Variants in PDE10A observed in about 807,000 individuals in gnomAD.
PDE10A encodes cAMP and cAMP-inhibited cGMP 3',5'-cyclic phosphodiesterase 10A.
In PDE10A, 39 loss-of-function variants were observed where a neutral mutation model predicts 97.7. The observed-to-expected ratio is 0.40, with a 90% CI of 0.31 to 0.52. PDE10A has a LOEUF of 0.52. Among genes scored for constraint, PDE10A ranks in the 20% least tolerant of loss-of-function variants. The pLI is 0.56. For missense variants in PDE10A, 731 were observed against 1,047.8 expected (o/e 0.70, Z 4.17); for synonymous variants, 371 against 376.8 (o/e 0.98, Z 0.18).
intron 1 of PDE10A, among the ~76,000 whole-genome samples, chr6:165,885,073 G>C (rs1781591525): frequency 6.6e-6 from 1 of 152,040 alleles, no homozygotes; most frequent in East Asian, 1.9e-4. Flanking sequence ...TAAGGAAGCC[G>C]GCCCACCCAG....
At chr6:165,449,661 G>A (rs1224814595) in intron 4 of PDE10A, among the ~76,000 whole-genome samples, 1 of 152,158 alleles carries the variant, frequency 6.6e-6, no homozygotes, top group Non-Finnish European at 1.5e-5. Context: ...TGCATAGACA[G>A]GTGCCTAGCA....
intron 3 of PDE10A, among the ~76,000 whole-genome samples, chr6:165,456,972 T>C (rs149420353): frequency 6.6e-6 from 1 of 152,346 alleles, no homozygotes; most frequent in East Asian, 1.9e-4. Context: ...GCAAATGTAC[T>C]ACAAGAATAA....
chr6:165,340,912 C>T (rs149993447), intron 19 of PDE10A, among the ~76,000 whole-genome samples: 5 of 152,256 alleles, frequency 3.3e-5, no homozygotes, highest in Admixed American at 6.5e-5. Context: ...GGATGGAATC[C>T]GAATTATTAT....
chr6:165,799,552 C>G (rs941580418), intron 1 of PDE10A, among the ~76,000 whole-genome samples: 1 of 152,076 alleles, frequency 6.6e-6, no homozygotes, highest in South Asian at 2.1e-4. Flanking sequence ...GTATCTCGGG[C>G]CATAAGGCAC....
chr6:165,957,349 C>T (rs565495141), intron 1 of PDE10A, among the ~76,000 whole-genome samples: 3 of 152,146 alleles, frequency 2.0e-5, no homozygotes, highest in African/African-American at 7.2e-5. Flanking sequence ...GACTTGGTGG[C>T]ACATGTCTGT....
intron 18 of PDE10A, among the ~76,000 whole-genome samples, chr6:165,354,582 T>C (rs1305209696): frequency 6.6e-6 from 1 of 152,204 alleles, no homozygotes; most frequent in Non-Finnish European, 1.5e-5. Flanking sequence ...TTGAGTTATT[T>C]CTACAACTGA....
chr6:165,858,361 G>C (rs1376764092), intron 1 of PDE10A, among the ~76,000 whole-genome samples: 1 of 152,208 alleles, frequency 6.6e-6, no homozygotes, highest in East Asian at 1.9e-4. Context: ...GGGAGGCACT[G>C]GGAACTGAGA....
chr6:165,691,089 C>T (rs187326455), intron 1 of PDE10A, among the ~76,000 whole-genome samples: 509 of 49,606 alleles, frequency 0.01, 14 homozygotes, highest in African/African-American at 0.029. Flanking sequence ...CTCTCTCTCT[C>T]TCTCTCTCTT....
At chr6:165,868,571 C>G (rs1781117255) in intron 1 of PDE10A, among the ~76,000 whole-genome samples, 1 of 151,810 alleles carries the variant, frequency 6.6e-6, no homozygotes, top group African/African-American at 2.4e-5. Flanking sequence ...CTGCTGAATT[C>G]TATGAAACTT....
intron 2 of PDE10A, among the ~76,000 whole-genome samples, chr6:165,504,093 G>A (rs1781054750): frequency 1.3e-5 from 2 of 152,124 alleles, no homozygotes; most frequent in African/African-American, 4.8e-5. Context: ...TTATGGCTCT[G>A]TGAAAATCCA....
At chr6:165,439,753 G>A (rs1790294449) in intron 5 of PDE10A, among the ~76,000 whole-genome samples, 1 of 152,120 alleles carries the variant, frequency 6.6e-6, no homozygotes, top group Non-Finnish European at 1.5e-5. Context: ...TCAATAGGTT[G>A]GTTCAGTAAA....
intron 3 of PDE10A, among the ~76,000 whole-genome samples, chr6:165,458,427 C>A (rs2128255540): frequency 6.6e-6 from 1 of 152,194 alleles, no homozygotes; most frequent in African/African-American, 2.4e-5. Context: ...AAGACAGCTG[C>A]CTTTTATCAG....
At chr6:165,944,192 C>A (rs186128574) in intron 1 of PDE10A, among the ~76,000 whole-genome samples, 1 of 152,174 alleles carries the variant, frequency 6.6e-6, no homozygotes, top group Admixed American at 6.5e-5. Flanking sequence ...TTGGGAGAAC[C>A]GCATGAAGGT....
chr6:165,416,983 A>G (rs544232051), intron 11 of PDE10A, among the ~76,000 whole-genome samples: 1 of 150,354 alleles, frequency 6.7e-6, no homozygotes, highest in East Asian at 1.9e-4. Context: ...CTATACCATC[A>G]TCACACAGGC....
At chr6:165,803,482 A>C (rs1779036962) in intron 1 of PDE10A, among the ~76,000 whole-genome samples, 2 of 152,210 alleles carry the variant, frequency 1.3e-5, no homozygotes, top group South Asian at 4.1e-4. Context: ...GAAAGAAAAA[A>C]CTTAAGAGAC....
intron 1 of PDE10A, among the ~76,000 whole-genome samples, chr6:165,957,773 G>A (rs1784179802): frequency 2.6e-5 from 4 of 152,160 alleles, no homozygotes; most frequent in Admixed American, 2.0e-4. Flanking sequence ...TTGGAAGGAG[G>A]CAGAAATGTT....
chr6:165,837,462 G>A lies in PDE10A; in HGVS notation c.-615+150067C>T, dbSNP rs78737120. Among the ~76,000 whole-genome samples the A allele has an allele frequency of 8.1e-3, 1,228 of 151,884 alleles. 3 individuals are homozygous for A. The highest frequency in any genetic ancestry group is 0.013 in the Non-Finnish European group (871 of 67,940). On this transcript the variant is annotated intron_variant, in intron 1 of 19. Transcript: ENST00000366882. ...GCTTTCAAACATTCCTTTACCTGCTGCATCATAAACTATGTTGGCTCTATG... is the reference window on the plus strand; with the variant it reads ...GCTTTCAAACATTCCTTTACCTGCTACATCATAAACTATGTTGGCTCTATG...
chr6:165,521,048 A>G (rs1782099378), intron 2 of PDE10A, among the ~76,000 whole-genome samples: 1 of 152,150 alleles, frequency 6.6e-6, no homozygotes, highest in Admixed American at 6.6e-5. Context: ...TTTTTCCAAC[A>G]GCATGTGCTC....
At chr6:165,656,737 A>G (rs1455687884) in intron 1 of PDE10A, among the ~76,000 whole-genome samples, 1 of 152,134 alleles carries the variant, frequency 6.6e-6, no homozygotes, top group Admixed American at 6.5e-5. Flanking sequence ...TCGCAAAGCG[A>G]AGGCACTGCC....
Sources: gnomAD v4.1 joint callset for allele counts (sites outside exome capture counted in the v4.1 genomes callset) on GRCh38, gnomAD v4.1.1 for gene constraint, MANE v1.5 for transcripts, NCBI Gene and HGNC (gene_info 2026-07-23, HGNC 2026-07-21) for gene names.